Variants in MSRB3 observed in about 807,000 individuals in gnomAD.
MSRB3 encodes methionine sulfoxide reductase B3, also known as methionine-R-sulfoxide reductase B3.
A neutral mutation model predicts 21.0 loss-of-function variants in MSRB3; 13 were observed. The ratio of observed to expected loss-of-function variants is 0.62; its 90% CI spans 0.40 to 0.98. The LOEUF (loss-of-function observed/expected upper bound fraction) is 0.98. Among genes scored for constraint, MSRB3 ranks in the 50% least tolerant of loss-of-function variants. The pLI, the probability that MSRB3 is intolerant of heterozygous loss-of-function variation, is 0.00. For synonymous variants in MSRB3, 87 were observed against 88.6 expected (o/e 0.98, Z 0.10); for missense variants, 199 against 230.3 (o/e 0.86, Z 0.88).
intron 5 of MSRB3, among the ~76,000 whole-genome samples, chr12:65,388,434 T>G (rs1879302961): frequency 6.6e-6 from 1 of 152,136 alleles, no homozygotes; most frequent in Non-Finnish European, 1.5e-5. Flanking sequence ...CTGCCCAGAG[T>G]GCACCACTTT....
intron 6 of MSRB3, among the ~76,000 whole-genome samples, chr12:65,456,314 A>T (rs1883090112): frequency 1.3e-5 from 2 of 152,246 alleles, no homozygotes; most frequent in Admixed American, 6.5e-5. Flanking sequence ...GAAGCATAAG[A>T]TATTAACTTT....
intron 2 of MSRB3, among the ~76,000 whole-genome samples, chr12:65,316,857 T>C (rs1300680643): frequency 6.6e-6 from 1 of 152,116 alleles, no homozygotes; most frequent in African/African-American, 2.4e-5. Context: ...ATTCTCGGAA[T>C]AGGATTTCAA....
At chr12:65,405,579 G>T (rs7300522) in intron 5 of MSRB3, among the ~76,000 whole-genome samples, 1 of 151,878 alleles carries the variant, frequency 6.6e-6, no homozygotes, top group Admixed American at 6.6e-5. Context: ...TCAACATACT[G>T]ACTTCATATT....
intron 5 of MSRB3, among the ~76,000 whole-genome samples, chr12:65,427,146 G>A (rs1277991179): frequency 6.6e-6 from 1 of 152,098 alleles, no homozygotes; most frequent in Non-Finnish European, 1.5e-5. Context: ...TGCACATTTG[G>A]TGGAACAGTC....
chr12:65,450,778 C>A (rs937938106), intron 5 of MSRB3, among the ~76,000 whole-genome samples: 7 of 152,172 alleles, frequency 4.6e-5, no homozygotes, highest in Admixed American at 3.9e-4. Context: ...CCCTTTGAAG[C>A]ACTTTCCTTA....
intron 5 of MSRB3, among the ~76,000 whole-genome samples, chr12:65,381,987 T>C (rs1036332342): frequency 2.0e-5 from 3 of 152,090 alleles, no homozygotes; most frequent in South Asian, 2.1e-4. Context: ...CAATAGCATG[T>C]AATAATGTTT....
chr12:65,404,800 A>G (rs1430489841), intron 5 of MSRB3, among the ~76,000 whole-genome samples: 1 of 152,346 alleles, frequency 6.6e-6, no homozygotes, highest in Non-Finnish European at 1.5e-5. Context: ...TTTCTCAAGT[A>G]TACAATACAT....
rs897571538 is a variant in MSRB3, at chr12:65,466,728, G to A, written c.*3406G>A. 1.5e-4 allele frequency: 23 copies of A among 152,224 alleles called. No individual in the cohort carries two copies. The highest frequency in any genetic ancestry group is 4.8e-4 in the African/African-American group (20 of 41,532). 9.4% of individuals were successfully genotyped at this position (152,224 alleles called of 1,614,324 possible). ...TCTTGCTTTAAATACAAAACAAATGGTAAAGGGGATTATCTTTTGTTTAGA... is the reference window on the plus strand; with the variant it reads ...TCTTGCTTTAAATACAAAACAAATGATAAAGGGGATTATCTTTTGTTTAGA... On this transcript the variant is annotated 3_prime_UTR_variant, in exon 7 of 7. Coordinates refer to ENST00000308259, the MANE Select transcript of MSRB3 (RefSeq NM_001031679.3).
intron 4 of MSRB3, among the ~76,000 whole-genome samples, chr12:65,341,584 A>G (rs1876146251): frequency 6.6e-6 from 1 of 152,072 alleles, no homozygotes; most frequent in Admixed American, 6.6e-5. Flanking sequence ...GGTTGTTTGA[A>G]ACAAAGGATA....
chr12:65,367,922 C>CAA (rs1447248991), intron 4 of MSRB3, among the ~76,000 whole-genome samples: 1 of 151,764 alleles, frequency 6.6e-6, no homozygotes, highest in Non-Finnish European at 1.5e-5. Flanking sequence ...TACATATACA[C>CAA]ACACACACAT....
At chr12:65,309,025 T>G (rs1001783041) in intron 2 of MSRB3, 3 of 264,704 alleles carry the variant, frequency 1.1e-5, no homozygotes, top group Non-Finnish European at 2.2e-5. Context: ...TAAAGGATAA[T>G]GAAAATGCTT....
At chr12:65,353,494 C>T (rs568368506) in intron 4 of MSRB3, among the ~76,000 whole-genome samples, 23 of 151,566 alleles carry the variant, frequency 1.5e-4, no homozygotes, top group Admixed American at 7.9e-4. Flanking sequence ...CTTCTTTGTC[C>T]CTTTTGATAT....
chr12:65,303,756 A>G lies in MSRB3; in HGVS notation c.-51-4773A>G, dbSNP rs1000048495. 6.6e-5 allele frequency among the ~76,000 whole-genome samples: 10 copies of G among 152,162 alleles called. No homozygotes were observed. The East Asian group carries it at 1.7e-3, about 26-fold the overall frequency. ...GATCTAAGCAAATCAGTGCCCTGAA[A>G]GTTGTTATAGGGGATGTGATAGCGT... On this transcript the variant is annotated intron_variant, in intron 1 of 6. Transcript: ENST00000308259.
rs570847723 is a variant in MSRB3, at chr12:65,457,462, C to T, written c.390+3637C>T. Among the ~76,000 whole-genome samples the T allele has an allele frequency of 5.3e-5, 8 of 152,186 alleles. No homozygotes were observed. The South Asian group carries it at 6.2e-4, about 12-fold the overall frequency. Reference sequence around the variant, plus strand: ...TTCCACTCCCACTTATGAGTGAGAACATGTGGTGTTTGGTTTTCTGTTCCT... The same window carrying T: ...TTCCACTCCCACTTATGAGTGAGAATATGTGGTGTTTGGTTTTCTGTTCCT... On this transcript the variant is annotated intron_variant, in intron 6 of 6. Transcript: ENST00000308259.
At chr12:65,288,226 C>A (rs1872494969) in intron 1 of MSRB3, among the ~76,000 whole-genome samples, 1 of 151,254 alleles carries the variant, frequency 6.6e-6, no homozygotes, top group Non-Finnish European at 1.5e-5. Context: ...TCACTTGAAC[C>A]CGGGAGGCGG....
At chr12:65,442,800 C>T (rs1592642334) in intron 5 of MSRB3, among the ~76,000 whole-genome samples, 1 of 152,032 alleles carries the variant, frequency 6.6e-6, no homozygotes. Context: ...GGCTAAAGAT[C>T]AGGCTGTTAC....
chr12:65,458,910 C>T (rs1210696153), intron 6 of MSRB3, among the ~76,000 whole-genome samples: 1 of 152,236 alleles, frequency 6.6e-6, no homozygotes, highest in Non-Finnish European at 1.5e-5. Context: ...AACAGCCTCT[C>T]CCTAATCCTC....
chr12:65,366,737 G>C (rs1337919784), intron 4 of MSRB3, among the ~76,000 whole-genome samples: 1 of 152,168 alleles, frequency 6.6e-6, no homozygotes, highest in African/African-American at 2.4e-5. Context: ...TTATTATTTG[G>C]AAATATGGGT....
intron 2 of MSRB3, among the ~76,000 whole-genome samples, chr12:65,324,974 G>T (rs938539657): frequency 2.6e-5 from 4 of 151,700 alleles, no homozygotes; most frequent in Non-Finnish European, 5.9e-5. Flanking sequence ...TTATGCCATT[G>T]AAAAGAATAA....
Sources: gnomAD v4.1 joint callset for allele counts (sites outside exome capture counted in the v4.1 genomes callset) on GRCh38, gnomAD v4.1.1 for gene constraint, MANE v1.5 for transcripts, NCBI Gene and HGNC (gene_info 2026-07-23, HGNC 2026-07-21) for gene names.